The following CEP128 variants were observed in gnomAD, a reference collection of about 807,000 sequenced individuals.
CEP128 encodes centrosomal protein 128kDa.
CEP128 carries 132 observed loss-of-function variants against 156.7 expected under a neutral mutation model. The observed-to-expected ratio is 0.84, with a 90% confidence interval of 0.73 to 0.97. The LOEUF (loss-of-function observed/expected upper bound fraction) is 0.97. Ranked by LOEUF, CEP128 falls within the 50% of genes least tolerant of loss-of-function variation. CEP128 has a pLI of 0.00. For synonymous variants in CEP128, 469 were observed against 448.9 expected, an observed-to-expected ratio of 1.04 and a Z score of -0.57; for missense variants, 1,252 against 1,281.9, an observed-to-expected ratio of 0.98 and a Z score of 0.36.
chr14:80,661,873 T>C (rs1372003758), intron 19 of CEP128, among the ~76,000 whole-genome samples: 1 of 152,138 alleles, frequency 6.6e-6, no homozygotes, highest in Non-Finnish European at 1.5e-5. Context: ...ATGCAAAGTG[T>C]CTTGTGGAGG....
chr14:80,556,445 C>G (rs1195690690), intron 21 of CEP128, among the ~76,000 whole-genome samples: 1 of 152,082 alleles, frequency 6.6e-6, no homozygotes, highest in African/African-American at 2.4e-5. Context: ...CTGACAGACC[C>G]TGGCAACGCA....
intron 19 of CEP128, among the ~76,000 whole-genome samples, chr14:80,688,125 T>C (rs1566857926): frequency 1.3e-5 from 2 of 152,158 alleles, no homozygotes; most frequent in Non-Finnish European, 2.9e-5. Context: ...CAATTTAATA[T>C]CATTATGCAA....
intron 19 of CEP128, among the ~76,000 whole-genome samples, chr14:80,650,000 T>C (rs949779467): frequency 2.6e-5 from 4 of 152,108 alleles, no homozygotes; most frequent in Non-Finnish European, 4.4e-5. Flanking sequence ...TATAAATTAC[T>C]TTGGGCAGTA....
chr14:80,955,082 A>T (rs961196830), intron 2 of CEP128: 1 of 169,896 alleles, frequency 5.9e-6, no homozygotes, highest in African/African-American at 2.4e-5. Context: ...ACCGCGGGCT[A>T]GCCAGGGCTG....
At position 80,826,068 on chromosome 14, in the gene CEP128, T is replaced by C. The variant is rs182121359; in HGVS notation, c.1209+5075A>G. ...TTGCAGTGAGCCGAGATCGCACCAC[T>C]GCACTCCACCCTGGGTGACAGAGCG... On this transcript the variant is annotated intron_variant, in intron 13 of 24. Transcript: ENST00000555265. Among the ~76,000 whole-genome samples, 12 of 137,162 alleles carry C rather than the reference T, an allele frequency of 8.7e-5. No individual in the cohort carries two copies. In the East Asian group the frequency reaches 2.4e-3, roughly 28 times the overall value. The allele number at this position is 137,162 out of a possible 152,430, so 90.0% of individuals were successfully genotyped here.
chr14:80,917,367 C>T (rs371637423), intron 2 of CEP128, among the ~76,000 whole-genome samples: 37 of 152,248 alleles, frequency 2.4e-4, no homozygotes, highest in African/African-American at 7.5e-4. Context: ...CAGAGAAACT[C>T]AACTGATAAA....
intron 19 of CEP128, among the ~76,000 whole-genome samples, chr14:80,584,829 T>C (rs1404808046): frequency 1.3e-5 from 2 of 152,192 alleles, no homozygotes; most frequent in Non-Finnish European, 2.9e-5. Flanking sequence ...TCTGCTCTTC[T>C]TATCAGCATT....
At chr14:80,874,107 T>C (rs370844826) in intron 8 of CEP128, among the ~76,000 whole-genome samples, 2 of 152,170 alleles carry the variant, frequency 1.3e-5, no homozygotes, top group East Asian at 1.9e-4. Flanking sequence ...TGTATATCTA[T>C]ATAGCAAGTG....
At chr14:80,714,507 C>T (rs73336591) in intron 19 of CEP128, among the ~76,000 whole-genome samples, 2,370 of 152,110 alleles carry the variant, frequency 0.016, 63 homozygotes, top group African/African-American at 0.053. Flanking sequence ...ATGTGTTTGT[C>T]CAACTAATGA....
intron 8 of CEP128, among the ~76,000 whole-genome samples, chr14:80,880,848 G>C (rs2139313338): frequency 7.1e-6 from 1 of 140,038 alleles, no homozygotes; most frequent in East Asian, 2.1e-4. Flanking sequence ...GGGCGACAGA[G>C]CAAGACTCCA....
chr14:80,566,754 T>C (rs1890924969), intron 20 of CEP128, among the ~76,000 whole-genome samples: 4 of 152,196 alleles, frequency 2.6e-5, no homozygotes. Context: ...CATCATTAGA[T>C]ACCTGTAGTC....
chr14:80,746,870 A>C (rs1281647837), intron 18 of CEP128, among the ~76,000 whole-genome samples: 1 of 152,244 alleles, frequency 6.6e-6, no homozygotes, highest in African/African-American at 2.4e-5. Flanking sequence ...CAGATTCATA[A>C]AGAAGTCAGT....
intron 20 of CEP128, among the ~76,000 whole-genome samples, chr14:80,561,472 C>T (rs1299702953): frequency 1.3e-5 from 2 of 152,110 alleles, no homozygotes; most frequent in Non-Finnish European, 2.9e-5. Flanking sequence ...ACTTTAATAT[C>T]CTTTGCAGAT....
At chr14:80,774,872 CCT>C (rs1385705703) in intron 16 of CEP128, among the ~76,000 whole-genome samples, 5 of 152,332 alleles carry the variant, frequency 3.3e-5, no homozygotes, top group South Asian at 2.1e-4. Context: ...ATGTGTGCCT[CCT>C]CTGTTTCAAA....
At chr14:80,777,070 T>G (rs1426096508) in intron 16 of CEP128, among the ~76,000 whole-genome samples, 1 of 152,220 alleles carries the variant, frequency 6.6e-6, no homozygotes, top group East Asian at 1.9e-4. Flanking sequence ...ACCTACCACA[T>G]AAGTGAACAC....
At chr14:80,828,129 T>C (rs895985558) in intron 13 of CEP128, among the ~76,000 whole-genome samples, 13 of 148,218 alleles carry the variant, frequency 8.8e-5, no homozygotes, top group East Asian at 1.9e-4. Flanking sequence ...TTTTCTTTTT[T>C]TTTTTTTTTT....
chr14:80,839,397 A>G (rs573212828), intron 10 of CEP128, among the ~76,000 whole-genome samples: 2 of 152,320 alleles, frequency 1.3e-5, no homozygotes, highest in East Asian at 1.9e-4. Context: ...AGGTGTGCCT[A>G]TGAAAGAACA....
intron 19 of CEP128, among the ~76,000 whole-genome samples, chr14:80,627,731 T>A (rs924121533): frequency 2.3e-5 from 3 of 130,770 alleles, no homozygotes; most frequent in African/African-American, 8.0e-5. Flanking sequence ...TTTAATTAAT[T>A]ATTATTTTCT....
intron 11 of CEP128, among the ~76,000 whole-genome samples, chr14:80,837,138 G>A (rs1456602560): frequency 6.6e-6 from 1 of 152,224 alleles, no homozygotes; most frequent in Non-Finnish European, 1.5e-5. Context: ...GTGCTATCTT[G>A]TATTTTCAGC....
Sources: allele counts gnomAD v4.1 joint callset (sites outside exome capture counted in the v4.1 genomes callset), GRCh38; gene constraint gnomAD v4.1.1; transcripts MANE v1.5; gene names NCBI Gene and HGNC (gene_info 2026-07-23, HGNC 2026-07-21).